The following LARS1 variants were observed in gnomAD, a reference collection of about 807,000 sequenced individuals.
LARS1 encodes the protein leucine--tRNA ligase, cytoplasmic.
Under a neutral mutation model 162.8 loss-of-function variants are expected in LARS1, and 100 were observed. The ratio of observed to expected loss-of-function variants is 0.61; its 90% CI spans 0.52 to 0.73. The LOEUF (loss-of-function observed/expected upper bound fraction) is 0.73, where lower values mean the gene tolerates loss of function less well. Among genes scored for constraint, LARS1 ranks in the 30% least tolerant of loss-of-function variants. The pLI is 0.00. For missense variants in LARS1, 1,258 were observed against 1,408.9 expected (o/e 0.89, Z 1.71); for synonymous variants, 457 against 462.8 (o/e 0.99, Z 0.16).
At chr5:146,115,581 CAAAAAAA>C (rs58644900) in intron 31 of LARS1, among the ~76,000 whole-genome samples, 6 of 20,582 alleles carry the variant, frequency 2.9e-4, no homozygotes, top group Non-Finnish European at 5.3e-4. Flanking sequence ...AGCGCCTGAC[CAAAAAAA>C]AAAAAAAAAA....
intron 13 of LARS1, among the ~76,000 whole-genome samples, chr5:146,152,216 C>T (rs1282245218): frequency 5.9e-5 from 9 of 152,196 alleles, no homozygotes; most frequent in Middle Eastern, 3.4e-3. Flanking sequence ...CTCTGTGTAC[C>T]AACACCCCCA....
At chr5:146,151,028 C>G (rs1313263092) in intron 14 of LARS1, among the ~76,000 whole-genome samples, 2 of 151,388 alleles carry the variant, frequency 1.3e-5, no homozygotes, top group East Asian at 3.9e-4. Flanking sequence ...ATTCCAGTTC[C>G]CACTGGCTAA....
chr5:146,144,596 G>A (rs1419099138), intron 16 of LARS1, 28 bp downstream of exon 16: 1 of 1,612,584 alleles, frequency 6.2e-7, no homozygotes, highest in South Asian at 1.1e-5. Flanking sequence ...AATTGACTAG[G>A]GGAATTTTCT....
intron 31 of LARS1, among the ~76,000 whole-genome samples, chr5:146,120,093 G>C (rs980235433): frequency 2.0e-5 from 3 of 152,076 alleles, no homozygotes. Context: ...TACAATTTTA[G>C]AGCTAGAAAG....
Position 146,113,804 on chromosome 5 carries a change from T to C in LARS1, c.*302A>G. ...TAAAGTACACCTCATAAAAGAAGCATACTGACACTTTTATGTTCATCTTAA... is the reference window on the plus strand; with the variant it reads ...TAAAGTACACCTCATAAAAGAAGCACACTGACACTTTTATGTTCATCTTAA... On this transcript the variant is annotated 3_prime_UTR_variant, in exon 32 of 32. Coordinates refer to ENST00000394434, the MANE Select transcript of LARS1 (RefSeq NM_020117.11). The C allele has an allele frequency of 3.0e-6, 1 of 329,952 alleles. No individual in the cohort carries two copies. The highest frequency in any genetic ancestry group is 5.6e-6 in the Non-Finnish European group (1 of 178,274). The allele number at this position is 329,952 out of a possible 1,614,324, so 20.4% of individuals were successfully genotyped here. A position where few individuals can be genotyped will look rare whatever the true frequency, so the allele number is the denominator to read the frequency against.
Position 146,133,070 on chromosome 5 carries a change from C to A in LARS1, c.2224G>T (p.Ala742Ser). 1.2e-6 allele frequency: 2 copies of A among 1,611,516 alleles called. No individual in the cohort carries two copies. Among genetic ancestry groups the A allele is most frequent in the South Asian group, 2.2e-5 (2 of 90,368 alleles). The change falls in exon 23 of 32, where the codon GCT becomes TCT. Residue 742 changes from alanine (A) to serine (S), a missense_variant. Transcript: ENST00000394434. ...ACAGTGTCACCAGCATCAGCCAGAG[C>A]CAAACGCATTCCTGGAAGAAGAAAA... is the stretch of plus-strand genomic sequence containing the variant. ...DKFSADGMRL[A>S]LADAGDTVED...
At chr5:146,132,106 G>A (rs930226337) in intron 23 of LARS1, 1 of 152,126 alleles carries the variant, frequency 6.6e-6, no homozygotes, top group Non-Finnish European at 1.5e-5. Flanking sequence ...TCATGAGTTC[G>A]AGACCAGCCT....
intron 31 of LARS1, among the ~76,000 whole-genome samples, chr5:146,116,894 A>G (rs986508895): frequency 2.0e-5 from 3 of 152,182 alleles, no homozygotes; most frequent in African/African-American, 7.2e-5. Context: ...ACCAATAACT[A>G]TGTTACTGAA....
At chr5:146,145,520 G>T (rs1170683361) in intron 15 of LARS1, among the ~76,000 whole-genome samples, 2 of 151,882 alleles carry the variant, frequency 1.3e-5, no homozygotes, top group Non-Finnish European at 2.9e-5. Context: ...CCATGTTTTT[G>T]ATTTTTTACC....
chr5:146,144,087 A>C (rs1752907931), intron 18 of LARS1, among the ~76,000 whole-genome samples, 180 bp downstream of exon 18: 1 of 152,186 alleles, frequency 6.6e-6, no homozygotes, highest in Admixed American at 6.5e-5. Flanking sequence ...GAGAGGGCAT[A>C]TTTCTACCAC....
rs774673143 is a variant in LARS1, at chr5:146,131,083, G to A, written c.2423C>T (p.Thr808Ile). The change falls in exon 24 of 32, where the codon ACA becomes ATA. Residue 808 changes from threonine to isoleucine, a missense_variant. By Grantham distance (89) the Thr-to-Ile change is moderately conservative (BLOSUM62 -1). Coordinates refer to ENST00000394434, the MANE Select transcript of LARS1 (RefSeq NM_020117.11). ...ASELNAGIIK[T>I]DQNYEKMMFK... Reference sequence around the variant, plus strand: ...CATCATCTTTTCATAGTTTTGATCTGTTTTTATAATTCCTGCATTCAATTC... The same window carrying A: ...CATCATCTTTTCATAGTTTTGATCTATTTTTATAATTCCTGCATTCAATTC... The A allele has an allele frequency of 2.5e-6, 4 of 1,585,506 alleles. No homozygotes were observed.
intron 3 of LARS1, 111 bp from the exon 4 acceptor site, chr5:146,172,101 T>C (rs1754309274): frequency 9.6e-6 from 9 of 937,346 alleles, no homozygotes; most frequent in Non-Finnish European, 1.3e-5. Flanking sequence ...TCCTTTGGAA[T>C]GCCAGTTAGA....
intron 28 of LARS1, among the ~76,000 whole-genome samples, chr5:146,125,753 T>G (rs1279930528): frequency 6.6e-6 from 1 of 152,010 alleles, no homozygotes; most frequent in Non-Finnish European, 1.5e-5. Context: ...TTCTTTCGGT[T>G]TCTTTTTGTC....
At chr5:146,134,871 C>G (rs1752439321) in intron 22 of LARS1, among the ~76,000 whole-genome samples, 1 of 151,902 alleles carries the variant, frequency 6.6e-6, no homozygotes, top group African/African-American at 2.4e-5. Context: ...ATCGCTTGAA[C>G]CCTGGAGATG....
At chr5:146,141,606 C>T (rs1329978185) in intron 20 of LARS1, among the ~76,000 whole-genome samples, 2 of 151,506 alleles carry the variant, frequency 1.3e-5, no homozygotes, top group Non-Finnish European at 2.9e-5. Context: ...GAGTTTGAGA[C>T]CAGCCTGGGC....
rs1389666958 is a variant in LARS1 at position 146,164,487 on chromosome 5, A to G, written c.433-16T>C. On this transcript the variant is annotated splice_polypyrimidine_tract_variant and intron_variant, in intron 5 of 31. Coordinates refer to ENST00000394434, the MANE Select transcript of LARS1 (RefSeq NM_020117.11). ...CAGCTTTACTCTGAAAATAATGGAG[A>G]AAAATAAACTCGATCAAAGAATAAC... The G allele has an allele frequency of 3.7e-6, 6 of 1,611,370 alleles. No individual in the cohort carries two copies. The highest frequency in any genetic ancestry group is 5.1e-6 in the Non-Finnish European group (6 of 1,178,870).
chr5:146,169,995 A>G (rs960137814), intron 4 of LARS1, among the ~76,000 whole-genome samples: 2 of 152,218 alleles, frequency 1.3e-5, no homozygotes, highest in African/African-American at 4.8e-5. Context: ...ACAATGAAGT[A>G]TTCTTGTCAA....
In LARS1 at chr5:146,168,269, C is replaced by T; in HGVS notation, c.295-4G>A. On this transcript the variant is annotated splice_polypyrimidine_tract_variant and splice_region_variant and intron_variant, in intron 4 of 31. Transcript: ENST00000394434. The stretch of plus-strand genomic sequence containing the variant: ...TTTTCAACTTATCAGCACATGCCTA[C>T]AACGAATATTAGAGATAATGAAGTT... 1.2e-6 allele frequency: 2 copies of T among 1,601,354 alleles called. No individual in the cohort carries two copies. Among genetic ancestry groups the T allele is most frequent in the Non-Finnish European group, 1.7e-6 (2 of 1,176,664 alleles).
At position 146,129,088 on chromosome 5, in the gene LARS1, C is replaced by T. The variant is rs544832993; in HGVS notation, c.2659G>A (p.Val887Met). ...AAAACTTCATTAACAGGACCTGCCA[C>T]AGGCCATGAAGCATTCATAATTGAG... ...PDSIMNASWP[V>M]AGPVNEVLIH... is the part of the protein sequence containing the mutation. The change falls in exon 26 of 32, where the codon GTG (valine) becomes ATG (methionine). Residue 887 changes from valine (V) to methionine (M), a missense_variant. Coordinates refer to ENST00000394434, the MANE Select transcript of LARS1 (RefSeq NM_020117.11). 10 of 1,603,634 alleles carry T rather than the reference C, an allele frequency of 6.2e-6. No individual in the cohort carries two copies. Among genetic ancestry groups the T allele is most frequent in the Non-Finnish European group, 7.7e-6 (9 of 1,175,462 alleles).
Sources: gnomAD v4.1 joint callset for allele counts (sites outside exome capture counted in the v4.1 genomes callset) on GRCh38, gnomAD v4.1.1 for gene constraint, MANE v1.5 for transcripts, NCBI Gene and HGNC (gene_info 2026-07-23, HGNC 2026-07-21) for gene names.